NOS1AP: variants seen among roughly 807,000 people sequenced by gnomAD.
NOS1AP encodes the protein nitric oxide synthase 1 adaptor protein, also known as carboxyl-terminal PDZ ligand of neuronal nitric oxide synthase protein.
In NOS1AP, 21 loss-of-function variants were observed where a neutral mutation model predicts 56.2. The ratio of observed to expected loss-of-function variants is 0.37; its 90% CI spans 0.26 to 0.54. The LOEUF (loss-of-function observed/expected upper bound fraction) is 0.54. Ranked by LOEUF, NOS1AP falls within the 20% of genes least tolerant of loss-of-function variation. NOS1AP has a pLI of 0.84. For missense variants in NOS1AP, 522 were observed against 657.8 expected (o/e 0.79, Z 2.26); for synonymous variants, 270 against 274.6 (o/e 0.98, Z 0.17).
chr1:162,184,240 G>A (rs1033840636), intron 2 of NOS1AP, among the ~76,000 whole-genome samples: 9 of 152,170 alleles, frequency 5.9e-5, no homozygotes, highest in Admixed American at 2.0e-4. Context: ...TAAGTTTGCT[G>A]TCTCATATGG....
chr1:162,112,885 T>G (rs1647764835), intron 1 of NOS1AP, among the ~76,000 whole-genome samples: 1 of 152,230 alleles, frequency 6.6e-6, no homozygotes, highest in East Asian at 1.9e-4. Flanking sequence ...ATTTATGTTC[T>G]TTATAACAAC....
intron 4 of NOS1AP, among the ~76,000 whole-genome samples, chr1:162,327,210 G>T (rs1255063633): frequency 6.6e-6 from 1 of 152,128 alleles, no homozygotes; most frequent in East Asian, 1.9e-4. Context: ...CTCAAGTAGA[G>T]AACTGATCTT....
intron 2 of NOS1AP, among the ~76,000 whole-genome samples, chr1:162,281,415 A>T (rs1487770494): frequency 1.3e-5 from 2 of 152,192 alleles, no homozygotes; most frequent in Non-Finnish European, 2.9e-5. Flanking sequence ...TGTATCAGTC[A>T]TATTTCTTGC....
chr1:162,287,480 G>A, intron 3 of NOS1AP, 44 bp downstream of exon 3: 1 of 1,337,978 alleles, frequency 7.5e-7, no homozygotes, highest in South Asian at 1.2e-5. Context: ...AGGAAAGCAG[G>A]GGAGGTAGGC....
chr1:162,249,064 G>A (rs1322462388), intron 2 of NOS1AP, among the ~76,000 whole-genome samples: 1 of 152,148 alleles, frequency 6.6e-6, no homozygotes, highest in African/African-American at 2.4e-5. Flanking sequence ...GAAGGCCTTT[G>A]TTCCCTTGAA....
chr1:162,253,668 G>C (rs560923518), intron 2 of NOS1AP, among the ~76,000 whole-genome samples: 1 of 152,166 alleles, frequency 6.6e-6, no homozygotes, highest in Admixed American at 6.5e-5. Flanking sequence ...GTGATGCTGA[G>C]ATCTAAGGAA....
At chr1:162,113,612 C>CCGGAA in intron 1 of NOS1AP, among the ~76,000 whole-genome samples, 1 of 152,248 alleles carries the variant, frequency 6.6e-6, no homozygotes, top group South Asian at 2.1e-4. Flanking sequence ...CTTTACATGG[C>CCGGAA]CGGAACGGGA....
chr1:162,273,387 G>A (rs1302763446), intron 2 of NOS1AP, among the ~76,000 whole-genome samples: 1 of 152,046 alleles, frequency 6.6e-6, no homozygotes, highest in Non-Finnish European at 1.5e-5. Flanking sequence ...GGATGGTCTC[G>A]ATCTCCTGAC....
At chr1:162,133,080 C>T (rs1178530689) in intron 1 of NOS1AP, among the ~76,000 whole-genome samples, 1 of 152,124 alleles carries the variant, frequency 6.6e-6, no homozygotes, top group East Asian at 1.9e-4. Context: ...ATTTCTGGGT[C>T]CATTGCTTCA....
chr1:162,111,760 G>A (rs1647718956), intron 1 of NOS1AP, among the ~76,000 whole-genome samples: 1 of 152,200 alleles, frequency 6.6e-6, no homozygotes, highest in Non-Finnish European at 1.5e-5. Context: ...TAGATGTCTT[G>A]GAATGCTGAT....
intron 2 of NOS1AP, among the ~76,000 whole-genome samples, chr1:162,226,874 C>T (rs1652961983): frequency 6.6e-6 from 1 of 151,960 alleles, no homozygotes; most frequent in Admixed American, 6.6e-5. Flanking sequence ...TGATGACAGG[C>T]CTTGGACTCT....
chr1:162,150,457 T>C (rs1649661124), intron 1 of NOS1AP, among the ~76,000 whole-genome samples: 1 of 152,212 alleles, frequency 6.6e-6, no homozygotes, highest in Non-Finnish European at 1.5e-5. Context: ...AATATACTGA[T>C]TTCCTTTCTT....
At chr1:162,132,218 C>T (rs1373245260) in intron 1 of NOS1AP, among the ~76,000 whole-genome samples, 1 of 152,184 alleles carries the variant, frequency 6.6e-6, no homozygotes, top group East Asian at 1.9e-4. Flanking sequence ...CTATACCAAA[C>T]ATAATGCTCC....
chr1:162,241,236 A>T (rs920898100), intron 2 of NOS1AP, among the ~76,000 whole-genome samples: 2 of 152,136 alleles, frequency 1.3e-5, no homozygotes, highest in African/African-American at 2.4e-5. Context: ...GGGAAAGAGC[A>T]TTCTAGGTAG....
chr1:162,071,680 A>G (rs1157018076), intron 1 of NOS1AP, among the ~76,000 whole-genome samples: 1 of 152,198 alleles, frequency 6.6e-6, no homozygotes, highest in Non-Finnish European at 1.5e-5. Flanking sequence ...ATCTCTCAGA[A>G]TAGACCTGGT....
chr1:162,365,297 T>C, intron 8 of NOS1AP, 107 bp from the exon 9 acceptor site: 1 of 1,583,084 alleles, frequency 6.3e-7, no homozygotes, highest in South Asian at 1.2e-5. Context: ...TTGAACTGAA[T>C]GTGGAGGGCA....
At chr1:162,252,115 C>T (rs1653882118) in intron 2 of NOS1AP, among the ~76,000 whole-genome samples, 1 of 152,050 alleles carries the variant, frequency 6.6e-6, no homozygotes, top group South Asian at 2.1e-4. Context: ...TCTTGGCTTA[C>T]TGCAGCCTCA....
intron 2 of NOS1AP, among the ~76,000 whole-genome samples, chr1:162,271,968 C>G (rs1654593894): frequency 6.6e-6 from 1 of 152,138 alleles, no homozygotes; most frequent in South Asian, 2.1e-4. Flanking sequence ...TAGACTTGAA[C>G]TCCTGGGCTT....
At chr1:162,172,027 G>C (rs1279808187) in intron 2 of NOS1AP, among the ~76,000 whole-genome samples, 2 of 152,204 alleles carry the variant, frequency 1.3e-5, no homozygotes, top group Admixed American at 1.3e-4. Flanking sequence ...GATGCTTGAT[G>C]GTATTAGATG....
Sources: gnomAD v4.1 joint callset for allele counts (sites outside exome capture counted in the v4.1 genomes callset) on GRCh38, gnomAD v4.1.1 for gene constraint, MANE v1.5 for transcripts, NCBI Gene and HGNC (gene_info 2026-07-23, HGNC 2026-07-21) for gene names.